Variants in SLC10A7 observed in about 807,000 individuals in gnomAD.
SLC10A7 encodes the protein sodium/bile acid cotransporter 7.
SLC10A7 carries 29 observed loss-of-function variants against 43.2 expected under a neutral mutation model. That is an observed-to-expected ratio of 0.67 (90% CI 0.50 to 0.92). SLC10A7 has a LOEUF of 0.92. Among genes scored for constraint, SLC10A7 ranks in the 40% least tolerant of loss-of-function variants. The pLI is 0.00. For synonymous variants in SLC10A7, 152 were observed against 144.8 expected (o/e 1.05, Z -0.35); for missense variants, 295 against 403.2 (o/e 0.73, Z 2.30).
chr4:146,408,327 T>G (rs998336690), intron 5 of SLC10A7, among the ~76,000 whole-genome samples: 1 of 151,836 alleles, frequency 6.6e-6, no homozygotes, highest in Non-Finnish European at 1.5e-5. Flanking sequence ...GCAGGCAGAT[T>G]GCCTGAGCTC....
At position 146,488,229 on chromosome 4, in the gene SLC10A7, TAA is replaced by T. The variant is rs1735085018; in HGVS notation, c.396+15618_396+15619del. Among the ~76,000 whole-genome samples, 4 of 151,434 alleles carry T rather than the reference TAA, an allele frequency of 2.6e-5. No homozygotes were observed. In the South Asian group the frequency reaches 8.3e-4, roughly 31 times the overall value. On this transcript the variant is annotated intron_variant, in intron 4 of 11. Transcript: ENST00000335472. ...AGAAAATATAGGTAAAAGCATTTCA[TAA>T]GATATGCACAATAATATTAAATGTA... is the stretch of plus-strand genomic sequence containing the variant.
chr4:146,266,199 C>T (rs1728540704), intron 10 of SLC10A7, among the ~76,000 whole-genome samples: 1 of 152,174 alleles, frequency 6.6e-6, no homozygotes, highest in African/African-American at 2.4e-5. Flanking sequence ...CATAAGTTTA[C>T]CATCCAAATG....
Position 146,440,681 on chromosome 4 carries a change from A to C in SLC10A7, c.435+2102T>G, listed in dbSNP as rs530393323. Among the ~76,000 whole-genome samples, 4 of 152,332 alleles carry C rather than the reference A, an allele frequency of 2.6e-5. No individual in the cohort carries two copies. In the East Asian group the frequency reaches 7.7e-4, roughly 29 times the overall value. ...GTAACTATGGTGAAGAGAGGAAAAA[A>C]AGATATAGAATTATTTCTCTTATAA... On this transcript the variant is annotated intron_variant, in intron 5 of 11. Transcript: ENST00000335472.
At chr4:146,323,616 G>T (rs560364680) in intron 6 of SLC10A7, among the ~76,000 whole-genome samples, 1 of 152,236 alleles carries the variant, frequency 6.6e-6, no homozygotes, top group South Asian at 2.1e-4. Context: ...TGCTGTTTTG[G>T]TTACTGTAGC....
intron 5 of SLC10A7, among the ~76,000 whole-genome samples, chr4:146,339,594 C>T (rs1211122280): frequency 6.6e-6 from 1 of 151,906 alleles, no homozygotes; most frequent in African/African-American, 2.4e-5. Context: ...CCTGCCACCC[C>T]CAACACAAAG....
chr4:146,467,475 A>G (rs1418798243), intron 4 of SLC10A7, among the ~76,000 whole-genome samples: 1 of 150,346 alleles, frequency 6.7e-6, no homozygotes, highest in East Asian at 2.0e-4. Context: ...ACACACACAC[A>G]CACACACACA....
chr4:146,289,868 A>T (rs1730297209), intron 9 of SLC10A7, among the ~76,000 whole-genome samples: 1 of 150,272 alleles, frequency 6.7e-6, no homozygotes, highest in African/African-American at 2.4e-5. Flanking sequence ...GGTGCACGCC[A>T]CCACGCTGGG....
intron 10 of SLC10A7, among the ~76,000 whole-genome samples, chr4:146,275,671 G>C (rs1295287151): frequency 6.6e-6 from 1 of 152,154 alleles, no homozygotes; most frequent in African/African-American, 2.4e-5. Context: ...AGGAGATAAG[G>C]TATTCCAGCA....
chr4:146,417,193 G>T (rs971599744), intron 5 of SLC10A7, among the ~76,000 whole-genome samples: 1 of 152,304 alleles, frequency 6.6e-6, no homozygotes, highest in East Asian at 1.9e-4. Context: ...TTGAATAAAC[G>T]AACTGGAGAG....
At chr4:146,277,840 TTTTTA>T (rs66996811) in intron 10 of SLC10A7, among the ~76,000 whole-genome samples, 120,084 of 151,362 alleles carry the variant, frequency 0.79, 48,627 homozygotes, top group African/African-American at 0.95. Flanking sequence ...AGAATATAAC[TTTTTA>T]TTTTATTAAT....
At chr4:146,451,181 A>G (rs1306064965) in intron 4 of SLC10A7, among the ~76,000 whole-genome samples, 1 of 142,762 alleles carries the variant, frequency 7.0e-6, no homozygotes, top group Non-Finnish European at 1.5e-5. Flanking sequence ...AAAATAGAAA[A>G]CCCGAACAGA....
chr4:146,442,843 G>GA (rs774235240), intron 4 of SLC10A7, 22 bp from the exon 5 acceptor site: 6 of 1,477,092 alleles, frequency 4.1e-6, no homozygotes, highest in South Asian at 1.2e-5. Flanking sequence ...ATAAATAGGG[G>GA]AAAAAAACTC....
chr4:146,262,470 G>C (rs1473631847), intron 10 of SLC10A7, among the ~76,000 whole-genome samples: 3 of 152,210 alleles, frequency 2.0e-5, no homozygotes, highest in Non-Finnish European at 4.4e-5. Flanking sequence ...CTGTCAGCTG[G>C]CCAAGAATTC....
intron 5 of SLC10A7, among the ~76,000 whole-genome samples, chr4:146,345,262 C>T (rs772897911): frequency 5.3e-5 from 8 of 152,084 alleles, no homozygotes; most frequent in Admixed American, 1.3e-4. Flanking sequence ...TAAATTTAGC[C>T]TGAGACCAAT....
At chr4:146,430,334 G>A (rs1276908822) in intron 5 of SLC10A7, among the ~76,000 whole-genome samples, 1 of 152,118 alleles carries the variant, frequency 6.6e-6, no homozygotes, top group African/African-American at 2.4e-5. Context: ...AGTTATATGT[G>A]ATAATAGTTT....
At chr4:146,490,573 T>C (rs1437046557) in intron 4 of SLC10A7, among the ~76,000 whole-genome samples, 1 of 152,202 alleles carries the variant, frequency 6.6e-6, no homozygotes, top group Non-Finnish European at 1.5e-5. Flanking sequence ...AGTGTGAACT[T>C]AAGGCAACTA....
At position 146,494,819 on chromosome 4, in the gene SLC10A7, G is replaced by A. The variant is rs60157848; in HGVS notation, c.396+9030C>T. ...AAATCACTGCTAACCTATTAAAAGGGCCCTTTTAGTTAGAGAGGTAAAAAT... is the reference window on the plus strand; with the variant it reads ...AAATCACTGCTAACCTATTAAAAGGACCCTTTTAGTTAGAGAGGTAAAAAT... On this transcript the variant is annotated intron_variant, in intron 4 of 11. Transcript: ENST00000335472. Among the ~76,000 whole-genome samples, 914 of 152,258 alleles carry A rather than the reference G, an allele frequency of 6.0e-3. 9 individuals carry two copies. Among genetic ancestry groups the A allele is most frequent in the African/African-American group, 0.018 (743 of 41,540 alleles).
At chr4:146,485,304 G>T (rs1050847059) in intron 4 of SLC10A7, among the ~76,000 whole-genome samples, 4 of 152,122 alleles carry the variant, frequency 2.6e-5, no homozygotes, top group African/African-American at 9.7e-5. Context: ...AAATAAAGCT[G>T]CAGTGATTCA....
At chr4:146,498,507 C>G (rs1052849670) in intron 4 of SLC10A7, among the ~76,000 whole-genome samples, 3 of 152,130 alleles carry the variant, frequency 2.0e-5, no homozygotes, top group Non-Finnish European at 4.4e-5. Context: ...TGGACCATGT[C>G]AAAGCACACT....
Sources: gnomAD v4.1 joint callset for allele counts (sites outside exome capture counted in the v4.1 genomes callset) on GRCh38, gnomAD v4.1.1 for gene constraint, MANE v1.5 for transcripts, NCBI Gene and HGNC (gene_info 2026-07-23, HGNC 2026-07-21) for gene names.